Variants in CTNNA3 observed in about 807,000 individuals in gnomAD.
The protein encoded by CTNNA3 is catenin alpha 3.
In CTNNA3, 76 loss-of-function variants were observed where a neutral mutation model predicts 95.7. That is an observed-to-expected ratio of 0.79 (90% CI 0.66 to 0.96). The LOEUF is 0.96. CTNNA3 is among the 40% of genes least tolerant of loss of function. The pLI is 0.00. For missense variants in CTNNA3, 1,191 were observed against 1,089.8 expected (o/e 1.09, Z -1.31); for synonymous variants, 431 against 374.4 (o/e 1.15, Z -1.74).
At chr10:67,688,719 G>C (rs1424914315) in intron 1 of CTNNA3, among the ~76,000 whole-genome samples, 4 of 152,100 alleles carry the variant, frequency 2.6e-5, no homozygotes, top group Non-Finnish European at 4.4e-5. Context: ...TTTCCCATCT[G>C]AAAGACAAAA....
intron 13 of CTNNA3, among the ~76,000 whole-genome samples, chr10:66,209,115 T>C (rs2087954527): frequency 1.3e-5 from 2 of 152,194 alleles, no homozygotes; most frequent in African/African-American, 4.8e-5. Context: ...ACCTGCCATT[T>C]AGAAGCTCTG....
intron 6 of CTNNA3, among the ~76,000 whole-genome samples, chr10:67,189,648 T>A (rs540739002): frequency 2.0e-5 from 3 of 152,166 alleles, no homozygotes; most frequent in Non-Finnish European, 2.9e-5. Context: ...CTGGATGTGA[T>A]CTTATCCAGA....
At chr10:67,111,633 G>T (rs1858913459) in intron 7 of CTNNA3, among the ~76,000 whole-genome samples, 1 of 151,890 alleles carries the variant, frequency 6.6e-6, no homozygotes, top group African/African-American at 2.4e-5. Context: ...ATATGTGTTA[G>T]AAAGTTATCT....
intron 7 of CTNNA3, among the ~76,000 whole-genome samples, chr10:66,859,562 T>C (rs942576281): frequency 6.6e-6 from 1 of 150,882 alleles, no homozygotes; most frequent in Non-Finnish European, 1.5e-5. Flanking sequence ...TTTTACACTG[T>C]TGGTGGGACT....
At chr10:67,061,750 A>G (rs1333602576) in intron 7 of CTNNA3, among the ~76,000 whole-genome samples, 3 of 152,200 alleles carry the variant, frequency 2.0e-5, no homozygotes, top group Admixed American at 6.5e-5. Context: ...TTGTTTCTAA[A>G]TAGTTGATGC....
intron 14 of CTNNA3, among the ~76,000 whole-genome samples, chr10:66,077,620 C>T (rs999576380): frequency 6.6e-6 from 1 of 151,674 alleles, no homozygotes; most frequent in African/African-American, 2.4e-5. Context: ...ATCATAATGA[C>T]AGAAATTTAC....
At chr10:66,971,001 A>C (rs1849691238) in intron 7 of CTNNA3, among the ~76,000 whole-genome samples, 2 of 152,114 alleles carry the variant, frequency 1.3e-5, no homozygotes, top group African/African-American at 2.4e-5. Flanking sequence ...CTTTTCATGC[A>C]AGTTTATTTG....
intron 5 of CTNNA3, among the ~76,000 whole-genome samples, chr10:67,390,065 G>C (rs1259133174): frequency 4.6e-5 from 7 of 152,208 alleles, no homozygotes; most frequent in African/African-American, 1.7e-4. Context: ...AATCAGAGCA[G>C]AACGGAAGGA....
At chr10:67,017,902 C>T (rs907125485) in intron 7 of CTNNA3, among the ~76,000 whole-genome samples, 4 of 151,830 alleles carry the variant, frequency 2.6e-5, no homozygotes, top group East Asian at 3.9e-4. Flanking sequence ...CCCAAGTAGC[C>T]GGGACTACAG....
intron 13 of CTNNA3, among the ~76,000 whole-genome samples, chr10:66,177,723 T>G (rs766198784): frequency 6.6e-5 from 10 of 151,994 alleles, no homozygotes; most frequent in Non-Finnish European, 1.2e-4. Context: ...TATATACATG[T>G]TTTAAATATT....
At chr10:66,904,413 C>T (rs1845896230) in intron 7 of CTNNA3, among the ~76,000 whole-genome samples, 1 of 152,054 alleles carries the variant, frequency 6.6e-6, no homozygotes, top group South Asian at 2.1e-4. Context: ...CCCCAAAAAC[C>T]CTAGAAGAAA....
rs76855151 is a variant in CTNNA3 at position 66,935,011 on chromosome 10, G to C, written c.1048-159487C>G. Reference sequence around the variant, plus strand: ...CAGTATCATGAGGCTATGCTACCTTGAGTGGTGTTCATAGCTTCAACTGGG... The same window carrying C: ...CAGTATCATGAGGCTATGCTACCTTCAGTGGTGTTCATAGCTTCAACTGGG... On this transcript the variant is annotated intron_variant, in intron 7 of 17. Coordinates refer to ENST00000433211, the MANE Select transcript of CTNNA3 (RefSeq NM_013266.4). 5.6e-3 allele frequency among the ~76,000 whole-genome samples: 846 copies of C among 152,178 alleles called. 9 individuals are homozygous for C. The highest frequency in any genetic ancestry group is 0.019 in the African/African-American group (801 of 41,552).
chr10:66,910,273 T>C (rs1846165155), intron 7 of CTNNA3, among the ~76,000 whole-genome samples: 1 of 152,204 alleles, frequency 6.6e-6, no homozygotes, highest in Non-Finnish European at 1.5e-5. Flanking sequence ...TCTTGGTTAG[T>C]AAGTGCAAGT....
chr10:66,722,551 G>A (rs1378236396), intron 9 of CTNNA3, among the ~76,000 whole-genome samples: 1 of 151,776 alleles, frequency 6.6e-6, no homozygotes, highest in Non-Finnish European at 1.5e-5. Context: ...TCCATACAAA[G>A]TCAGGTTTAT....
At chr10:67,300,494 C>T (rs1357613276) in intron 5 of CTNNA3, among the ~76,000 whole-genome samples, 3 of 152,188 alleles carry the variant, frequency 2.0e-5, no homozygotes, top group East Asian at 1.9e-4. Context: ...CTAGGGAGTA[C>T]GGTTAGGAGT....
At chr10:66,493,436 A>G (rs1839989814) in intron 11 of CTNNA3, among the ~76,000 whole-genome samples, 1 of 151,684 alleles carries the variant, frequency 6.6e-6, no homozygotes, top group African/African-American at 2.4e-5. Flanking sequence ...ACATCCATCT[A>G]CTCTCCCAAA....
intron 5 of CTNNA3, among the ~76,000 whole-genome samples, chr10:67,291,152 C>T (rs2132468812): frequency 6.6e-6 from 1 of 152,216 alleles, no homozygotes; most frequent in East Asian, 1.9e-4. Context: ...GAGATATTGA[C>T]ACCTGCCTCA....
At chr10:67,517,857 C>A (rs1839870208) in intron 5 of CTNNA3, among the ~76,000 whole-genome samples, 1 of 152,096 alleles carries the variant, frequency 6.6e-6, no homozygotes, top group African/African-American at 2.4e-5. Flanking sequence ...CAGAACAGTG[C>A]TGGACCCTAT....
intron 7 of CTNNA3, among the ~76,000 whole-genome samples, chr10:67,153,486 T>G (rs1691372935): frequency 6.6e-6 from 1 of 152,216 alleles, no homozygotes; most frequent in African/African-American, 2.4e-5. Context: ...ATTCCTTTTT[T>G]CAGATAAGAA....
Sources: gnomAD v4.1 joint callset for allele counts (sites outside exome capture counted in the v4.1 genomes callset) on GRCh38, gnomAD v4.1.1 for gene constraint, MANE v1.5 for transcripts, NCBI Gene and HGNC (gene_info 2026-07-23, HGNC 2026-07-21) for gene names.